The following THSD4 variants were observed in gnomAD, a reference collection of about 807,000 sequenced individuals.
THSD4 encodes thrombospondin type-1 domain-containing protein 4.
A neutral mutation model predicts 119.0 loss-of-function variants in THSD4; 69 were observed. That is an observed-to-expected ratio of 0.58 (90% confidence interval 0.48 to 0.71). The LOEUF is 0.71. Ranked by LOEUF, THSD4 falls within the 30% of genes least tolerant of loss-of-function variation. THSD4 has a pLI of 0.00. For missense variants in THSD4, 1,393 were observed against 1,391.1 expected, an observed-to-expected ratio of 1.00 and a Z score of -0.02; for synonymous variants, 524 against 540.4, an observed-to-expected ratio of 0.97 and a Z score of 0.42.
At chr15:71,588,115 G>C (rs965432913) in intron 7 of THSD4, among the ~76,000 whole-genome samples, 1 of 151,802 alleles carries the variant, frequency 6.6e-6, no homozygotes, top group African/African-American at 2.4e-5. Context: ...GACCATCCTG[G>C]CTAACATGGT....
intron 6 of THSD4, among the ~76,000 whole-genome samples, chr15:71,258,021 G>A (rs1033390952): frequency 2.0e-5 from 3 of 152,076 alleles, no homozygotes; most frequent in African/African-American, 4.8e-5. Flanking sequence ...TCATTTTTAA[G>A]GGCATTATGT....
At chr15:71,598,136 T>C (rs2140886898) in intron 7 of THSD4, among the ~76,000 whole-genome samples, 1 of 151,940 alleles carries the variant, frequency 6.6e-6, no homozygotes, top group Non-Finnish European at 1.5e-5. Context: ...GGCAGAGCCC[T>C]GGGGGTTAGG....
intron 1 of THSD4, among the ~76,000 whole-genome samples, chr15:71,127,065 T>G (rs1234743497): frequency 6.6e-6 from 1 of 152,230 alleles, no homozygotes; most frequent in Non-Finnish European, 1.5e-5. Context: ...CTCTACCCTT[T>G]AACCATAACC....
intron 7 of THSD4, among the ~76,000 whole-genome samples, chr15:71,510,675 G>A (rs2048268739): frequency 6.6e-6 from 1 of 152,170 alleles, no homozygotes; most frequent in African/African-American, 2.4e-5. Flanking sequence ...GGTTTTCTTC[G>A]TAGCCCAGCC....
intron 7 of THSD4, among the ~76,000 whole-genome samples, chr15:71,589,698 A>G (rs557159530): frequency 7.2e-6 from 1 of 139,542 alleles, no homozygotes; most frequent in Non-Finnish European, 1.6e-5. Context: ...AAAAAGTTTG[A>G]AAAATACTAC....
rs568765412 is a variant in THSD4 at position 71,224,253 on chromosome 15, C to A, written c.464+8854C>A. Among the ~76,000 whole-genome samples, 349 of 152,142 alleles carry A rather than the reference C, an allele frequency of 2.3e-3. 3 individuals carry two copies. The highest frequency in any genetic ancestry group is 7.5e-3 in the African/African-American group (312 of 41,514). ...GGCTGCAAATGAGGGAGTGTCCAGG[C>A]GAGACTGGGGAAGTCCACAGGCTCC... On this transcript the variant is annotated intron_variant, in intron 4 of 17. Transcript: ENST00000261862.
chr15:71,639,999 A>C (rs2140961225), intron 7 of THSD4, among the ~76,000 whole-genome samples: 1 of 152,344 alleles, frequency 6.6e-6, no homozygotes, highest in South Asian at 2.1e-4. Context: ...TAGGTCAAGA[A>C]AGAAATTGTA....
intron 16 of THSD4, among the ~76,000 whole-genome samples, chr15:71,768,737 T>G (rs1011328347): frequency 1.3e-5 from 2 of 150,688 alleles, no homozygotes; most frequent in African/African-American, 2.4e-5. Context: ...GCTAATTTTT[T>G]TGTATTTTTA....
At chr15:71,631,166 A>G (rs2050621406) in intron 7 of THSD4, among the ~76,000 whole-genome samples, 1 of 152,194 alleles carries the variant, frequency 6.6e-6, no homozygotes, top group Admixed American at 6.5e-5. Context: ...CAGTAGGATC[A>G]CCTGGGAAAC....
chr15:71,194,453 C>T (rs1310358307), intron 3 of THSD4, among the ~76,000 whole-genome samples: 3 of 152,192 alleles, frequency 2.0e-5, no homozygotes, highest in African/African-American at 7.2e-5. Flanking sequence ...TTTGCCATTT[C>T]CACACTCAGG....
rs1488411121 is a variant in THSD4 at position 71,727,748 on chromosome 15, C to T, written c.1358-801C>T. On this transcript the variant is annotated intron_variant, in intron 8 of 17. Coordinates refer to ENST00000261862, the MANE Select transcript of THSD4 (RefSeq NM_024817.3). The stretch of plus-strand genomic sequence containing the variant: ...TCACACCACTGCACTCCAGCCTGGG[C>T]GATGGAGCAAGACCCTGTCTCAAAA... 6.2e-5 allele frequency among the ~76,000 whole-genome samples: 6 copies of T among 97,158 alleles called. No individual in the cohort carries two copies. The East Asian group carries it at 1.4e-3, about 23-fold the overall frequency. 63.7% of individuals were successfully genotyped at this position (97,158 alleles called of 152,430 possible).
chr15:71,357,623 G>T (rs1487393854), intron 6 of THSD4, among the ~76,000 whole-genome samples: 2 of 152,150 alleles, frequency 1.3e-5, no homozygotes, highest in African/African-American at 4.8e-5. Flanking sequence ...TTTAATAGGG[G>T]CAGGGCCTGG....
At chr15:71,440,407 TAAATA>T (rs1240307515) in intron 7 of THSD4, among the ~76,000 whole-genome samples, 5 of 152,222 alleles carry the variant, frequency 3.3e-5, no homozygotes, top group Admixed American at 2.0e-4. Flanking sequence ...ATATATGATA[TAAATA>T]AAATACAATG....
rs151084861 is a variant in THSD4, at chr15:71,269,091, T to G, written c.1015+12376T>G. Among the ~76,000 whole-genome samples the G allele has an allele frequency of 3.0e-4, 45 of 151,976 alleles. No homozygotes were observed. In the East Asian group the frequency reaches 8.7e-3, roughly 29 times the overall value. ...CTATTCCAAACTACTCCTCCCTAAC[T>G]CATTTTATGAGGCCAGCATCATTCT... On this transcript the variant is annotated intron_variant, in intron 6 of 17. Coordinates refer to ENST00000261862, the MANE Select transcript of THSD4 (RefSeq NM_024817.3).
At chr15:71,216,073 G>A (rs1444115912) in intron 4 of THSD4, among the ~76,000 whole-genome samples, 1 of 152,268 alleles carries the variant, frequency 6.6e-6, no homozygotes, top group Non-Finnish European at 1.5e-5. Context: ...GCTGAGAAGA[G>A]CTTGTCAGTG....
chr15:71,557,132 A>G (rs1156547518), intron 7 of THSD4, among the ~76,000 whole-genome samples: 1 of 152,182 alleles, frequency 6.6e-6, no homozygotes, highest in Non-Finnish European at 1.5e-5. Context: ...TGCTTGTATT[A>G]GCTCAATAAA....
intron 7 of THSD4, among the ~76,000 whole-genome samples, chr15:71,552,428 C>T (rs1266223083): frequency 6.6e-6 from 1 of 152,154 alleles, no homozygotes; most frequent in African/African-American, 2.4e-5. Context: ...CTCTTCATTC[C>T]TAGAGTGTTA....
intron 3 of THSD4, 116 bp downstream of exon 3, chr15:71,155,048 G>A (rs779711042): frequency 6.4e-5 from 61 of 952,858 alleles, no homozygotes; most frequent in Middle Eastern, 2.1e-4. Flanking sequence ...CTGAAAGGAA[G>A]CACCATTTAC....
intron 8 of THSD4, among the ~76,000 whole-genome samples, chr15:71,702,555 T>C (rs947270214): frequency 1.3e-5 from 2 of 152,168 alleles, no homozygotes; most frequent in Non-Finnish European, 1.5e-5. Flanking sequence ...CTATGCAGAA[T>C]GTTACTTGAG....
Sources: gnomAD v4.1 joint callset for allele counts (sites outside exome capture counted in the v4.1 genomes callset) on GRCh38, gnomAD v4.1.1 for gene constraint, MANE v1.5 for transcripts, NCBI Gene and HGNC (gene_info 2026-07-23, HGNC 2026-07-21) for gene names.